Variants in SUGCT observed in about 807,000 individuals in gnomAD.
SUGCT encodes the protein succinyl-CoA:glutarate CoA-transferase.
SUGCT carries 41 observed loss-of-function variants against 55.0 expected under a neutral mutation model. That is an observed-to-expected ratio of 0.74 (90% CI 0.58 to 0.97). SUGCT has a LOEUF of 0.97. Ranked by LOEUF, SUGCT falls within the 50% of genes least tolerant of loss-of-function variation. The pLI is 0.00. For synonymous variants in SUGCT, 187 were observed against 200.4 expected, an observed-to-expected ratio of 0.93 and a Z score of 0.56; for missense variants, 568 against 547.8, an observed-to-expected ratio of 1.04 and a Z score of -0.37.
the SUGCT span, among the ~76,000 whole-genome samples, chr7:40,987,934 G>A: frequency 6.6e-6 from 1 of 152,064 alleles, no homozygotes; most frequent in East Asian, 1.9e-4. Flanking sequence ...GATACACTGT[G>A]AAACTTGTTC....
chr7:40,788,764 G>A (rs1790163718), intron 13 of SUGCT, among the ~76,000 whole-genome samples: 1 of 152,190 alleles, frequency 6.6e-6, no homozygotes, highest in Admixed American at 6.5e-5. Flanking sequence ...TGGGCAATGA[G>A]GGAACATGAA....
chr7:40,330,734 T>G (rs1796265800), intron 9 of SUGCT, among the ~76,000 whole-genome samples: 1 of 152,058 alleles, frequency 6.6e-6, no homozygotes, highest in African/African-American at 2.4e-5. Flanking sequence ...AATACTTGGT[T>G]TGGGTAATTT....
At position 40,210,066 on chromosome 7, in the gene SUGCT, A is replaced by T. The variant is rs55677554; in HGVS notation, c.484+15006A>T. On this transcript the variant is annotated intron_variant, in intron 6 of 13. Transcript: ENST00000335693. ...TGAATTTTCTATTTTTCTTTTTTTT[A>T]AAAAATTTAATTTTATTTATTTACT... Among the ~76,000 whole-genome samples, 466 of 151,934 alleles carry T rather than the reference A, an allele frequency of 3.1e-3. 3 individuals carry two copies. The highest frequency in any genetic ancestry group is 0.018 in the South Asian group (88 of 4,802).
At chr7:40,854,460 CTT>C (rs963143246) in intron 13 of SUGCT, among the ~76,000 whole-genome samples, 100 of 138,886 alleles carry the variant, frequency 7.2e-4, no homozygotes, top group African/African-American at 2.6e-3. Flanking sequence ...TTCTTTCTTT[CTT>C]TCTTTCTTTC....
chr7:41,010,741 G>A, the SUGCT span, among the ~76,000 whole-genome samples: 2 of 152,114 alleles, frequency 1.3e-5, no homozygotes. Flanking sequence ...ACATGTTTTT[G>A]TGCTGTAATC....
rs116947025 is a variant in SUGCT at position 40,310,437 on chromosome 7, G to C, written c.721-6323G>C. On this transcript the variant is annotated intron_variant, in intron 8 of 13. Coordinates refer to ENST00000335693, the MANE Select transcript of SUGCT (RefSeq NM_001193313.2). ...AAATACAATGTGGTATCCTGGTTGGGATCTTGGAATAGAAAAAGGATATGA... is the reference window on the plus strand; with the variant it reads ...AAATACAATGTGGTATCCTGGTTGGCATCTTGGAATAGAAAAAGGATATGA... Among the ~76,000 whole-genome samples, 1,027 of 152,284 alleles carry C rather than the reference G, an allele frequency of 6.7e-3. 5 individuals are homozygous for C. The highest frequency in any genetic ancestry group is 9.8e-3 in the Non-Finnish European group (669 of 68,014).
At chr7:40,592,979 T>G (rs1209565102) in intron 12 of SUGCT, among the ~76,000 whole-genome samples, 1 of 152,144 alleles carries the variant, frequency 6.6e-6, no homozygotes, top group African/African-American at 2.4e-5. Context: ...TGTTTAGAAT[T>G]AAGGGCACAA....
At chr7:40,547,698 T>A (rs1228633925) in intron 12 of SUGCT, among the ~76,000 whole-genome samples, 1 of 152,134 alleles carries the variant, frequency 6.6e-6, no homozygotes, top group Non-Finnish European at 1.5e-5. Flanking sequence ...GGATCAGAGG[T>A]TACTTCTCTT....
the SUGCT span, among the ~76,000 whole-genome samples, chr7:41,008,623 A>G: frequency 6.6e-6 from 1 of 150,440 alleles, no homozygotes; most frequent in African/African-American, 2.4e-5. Context: ...CACATCTTCC[A>G]TGGAGACATC....
At chr7:40,971,707 T>C in the SUGCT span, among the ~76,000 whole-genome samples, 2 of 152,254 alleles carry the variant, frequency 1.3e-5, no homozygotes, top group African/African-American at 2.4e-5. Context: ...AAGAGGATCA[T>C]GTCTAAGATG....
chr7:40,859,491 A>G (rs1794375123), intron 13 of SUGCT, among the ~76,000 whole-genome samples: 1 of 152,228 alleles, frequency 6.6e-6, no homozygotes, highest in African/African-American at 2.4e-5. Context: ...AACTCTGTTT[A>G]GAGGAACTTT....
At chr7:40,229,149 A>G (rs1179773382) in intron 6 of SUGCT, among the ~76,000 whole-genome samples, 1 of 152,222 alleles carries the variant, frequency 6.6e-6, no homozygotes. Context: ...ACTGTCTGAT[A>G]GTAGGAATCT....
intron 13 of SUGCT, among the ~76,000 whole-genome samples, chr7:40,796,653 C>T (rs1444639535): frequency 1.3e-5 from 2 of 152,184 alleles, no homozygotes; most frequent in Non-Finnish European, 2.9e-5. Flanking sequence ...TTATATCATA[C>T]ATAGCAGACC....
intron 12 of SUGCT, among the ~76,000 whole-genome samples, chr7:40,597,482 T>TA (rs1798071606): frequency 6.6e-6 from 1 of 152,222 alleles, no homozygotes; most frequent in African/African-American, 2.4e-5. Flanking sequence ...GGTCATGTGG[T>TA]AGTCATCAGT....
chr7:40,505,316 A>C (rs1792526336), intron 12 of SUGCT, among the ~76,000 whole-genome samples: 1 of 152,032 alleles, frequency 6.6e-6, no homozygotes, highest in Non-Finnish European at 1.5e-5. Context: ...ATCTGAAAAT[A>C]TCTACCTTTT....
At chr7:40,580,931 T>C (rs1005900296) in intron 12 of SUGCT, among the ~76,000 whole-genome samples, 2 of 152,210 alleles carry the variant, frequency 1.3e-5, no homozygotes, top group African/African-American at 4.8e-5. Flanking sequence ...AAGTGCAGTC[T>C]ATGATGTTTG....
intron 8 of SUGCT, among the ~76,000 whole-genome samples, chr7:40,304,947 G>C (rs139341638): frequency 6.6e-6 from 1 of 152,120 alleles, no homozygotes; most frequent in South Asian, 2.1e-4. Flanking sequence ...TTCAGGGAAG[G>C]TTTGCTATTT....
intron 9 of SUGCT, among the ~76,000 whole-genome samples, chr7:40,426,537 C>T (rs1787597501): frequency 6.6e-6 from 1 of 152,170 alleles, no homozygotes; most frequent in Non-Finnish European, 1.5e-5. Context: ...AGCACCTCTT[C>T]AGATGAGCAG....
the SUGCT span, among the ~76,000 whole-genome samples, chr7:41,031,246 G>A: frequency 6.6e-6 from 1 of 152,138 alleles, no homozygotes; most frequent in Non-Finnish European, 1.5e-5. Context: ...GTCTCGGCAG[G>A]GCAGTTCACT....
Sources: allele counts gnomAD v4.1 joint callset (sites outside exome capture counted in the v4.1 genomes callset), GRCh38; gene constraint gnomAD v4.1.1; transcripts MANE v1.5; gene names NCBI Gene and HGNC (gene_info 2026-07-23, HGNC 2026-07-21).